The following STX8 variants were observed in gnomAD, a reference collection of about 807,000 sequenced individuals.
STX8 encodes syntaxin-8.
A neutral mutation model predicts 37.5 loss-of-function variants in STX8; 23 were observed. That is an observed-to-expected ratio of 0.61 (90% CI 0.44 to 0.87). The LOEUF (loss-of-function observed/expected upper bound fraction) is 0.87. STX8 is among the 40% of genes least tolerant of loss of function. STX8 has a pLI of 0.00. For synonymous variants in STX8, 115 were observed against 99.1 expected (o/e 1.16, Z -0.95); for missense variants, 313 against 284.7 (o/e 1.10, Z -0.71).
intron 7 of STX8, among the ~76,000 whole-genome samples, chr17:9,320,942 C>A (rs1210338389): frequency 1.3e-5 from 2 of 148,990 alleles, no homozygotes; most frequent in Non-Finnish European, 3.0e-5. Flanking sequence ...CCCAACGGGG[C>A]CTCCAAAAAA....
At chr17:9,555,410 A>C (rs1378451482) in intron 3 of STX8, 2 of 152,214 alleles carry the variant, frequency 1.3e-5, no homozygotes, top group Non-Finnish European at 2.9e-5. Flanking sequence ...TAGCACATAA[A>C]TAAGGTGACT....
chr17:9,398,468 G>C (rs1912486372), intron 6 of STX8, among the ~76,000 whole-genome samples: 1 of 152,100 alleles, frequency 6.6e-6, no homozygotes, highest in Non-Finnish European at 1.5e-5. Flanking sequence ...CAGCTCAGAG[G>C]AAACTAAGGA....
chr17:9,263,249 G>A (rs1907112164), intron 7 of STX8, among the ~76,000 whole-genome samples: 1 of 152,122 alleles, frequency 6.6e-6, no homozygotes. Context: ...GGCTGAGGAG[G>A]GTGGATTACC....
intron 7 of STX8, among the ~76,000 whole-genome samples, chr17:9,251,322 G>A (rs1906568014): frequency 6.6e-6 from 1 of 152,190 alleles, no homozygotes; most frequent in African/African-American, 2.4e-5. Context: ...ACCTGATGCT[G>A]ATGAAGTGGG....
intron 7 of STX8, among the ~76,000 whole-genome samples, chr17:9,353,793 A>C (rs997361894): frequency 6.6e-6 from 1 of 152,224 alleles, no homozygotes; most frequent in Admixed American, 6.5e-5. Flanking sequence ...ATTTTAAATT[A>C]ACAGATTTTT....
chr17:9,555,420 T>C (rs545082703), intron 3 of STX8: 1 of 152,332 alleles, frequency 6.6e-6, no homozygotes, highest in Non-Finnish European at 1.5e-5. Context: ...ATAAGGTGAC[T>C]AATAATGTTA....
At chr17:9,570,435 TATATC>T (rs1047399703) in intron 1 of STX8, among the ~76,000 whole-genome samples, 2 of 152,004 alleles carry the variant, frequency 1.3e-5, no homozygotes, top group Admixed American at 1.3e-4. Flanking sequence ...CACATTCACA[TATATC>T]ATATATATCA....
At chr17:9,346,156 CCT>C (rs1910529073) in intron 7 of STX8, among the ~76,000 whole-genome samples, 1 of 151,984 alleles carries the variant, frequency 6.6e-6, no homozygotes, top group African/African-American at 2.4e-5. Context: ...CCGGCCGGCC[CCT>C]GACTATTAAG....
At chr17:9,415,655 G>A (rs1051785620) in intron 6 of STX8, among the ~76,000 whole-genome samples, 1 of 152,124 alleles carries the variant, frequency 6.6e-6, no homozygotes, top group Non-Finnish European at 1.5e-5. Flanking sequence ...TGTAGTCCCA[G>A]CTACTCAGGA....
chr17:9,326,186 A>G lies in STX8; in HGVS notation c.643+52366T>C, dbSNP rs893479097. Among the ~76,000 whole-genome samples the G allele has an allele frequency of 5.3e-4, 80 of 151,526 alleles. 1 individual carries two copies. The highest frequency in any genetic ancestry group is 1.8e-3 in the African/African-American group (75 of 41,346). On this transcript the variant is annotated intron_variant, in intron 7 of 7. Coordinates refer to ENST00000306357, the MANE Select transcript of STX8 (RefSeq NM_004853.3). The stretch of plus-strand genomic sequence containing the variant: ...CACTCTGTCATCCAGGCTAGAGTGC[A>G]GTGGCACGATCATGGCTCATTGCAG...
intron 6 of STX8, among the ~76,000 whole-genome samples, chr17:9,419,422 C>T (rs1396764861): frequency 6.6e-6 from 1 of 152,034 alleles, no homozygotes; most frequent in Non-Finnish European, 1.5e-5. Flanking sequence ...TATAAGAGGC[C>T]AATTAAAATC....
chr17:9,330,231 T>C (rs1909916400), intron 7 of STX8, among the ~76,000 whole-genome samples: 2 of 152,340 alleles, frequency 1.3e-5, no homozygotes, highest in South Asian at 4.1e-4. Context: ...TAACCACTGC[T>C]CACAGCCTTC....
intron 7 of STX8, among the ~76,000 whole-genome samples, chr17:9,278,856 T>C (rs1179794461): frequency 2.6e-5 from 4 of 151,862 alleles, no homozygotes; most frequent in Admixed American, 6.6e-5. Context: ...CCAGAGCTGC[T>C]AAAGGGGCAC....
intron 4 of STX8, among the ~76,000 whole-genome samples, chr17:9,519,678 G>A (rs760976572): frequency 2.6e-5 from 4 of 151,820 alleles, no homozygotes; most frequent in Non-Finnish European, 4.4e-5. Context: ...ATCTCTCTAC[G>A]ACATCATCTC....
At position 9,489,128 on chromosome 17, in the gene STX8, C is replaced by T. The variant is rs181435766; in HGVS notation, c.541+2701G>A. ...CTGACCTCAAATGATCCATCCACCT[C>T]GGCCTCCCAAAGTGCTGGGATTACA... On this transcript the variant is annotated intron_variant, in intron 6 of 7. Coordinates refer to ENST00000306357, the MANE Select transcript of STX8 (RefSeq NM_004853.3). 1.6e-4 allele frequency among the ~76,000 whole-genome samples: 25 copies of T among 152,286 alleles called. No individual in the cohort carries two copies. The East Asian group carries it at 1.7e-3, about 11-fold the overall frequency.
chr17:9,502,310 G>A (rs182367022), intron 5 of STX8, among the ~76,000 whole-genome samples: 3 of 152,276 alleles, frequency 2.0e-5, no homozygotes, highest in South Asian at 2.1e-4. Context: ...GGGTTTGGGG[G>A]AGAGATGAGG....
intron 3 of STX8, among the ~76,000 whole-genome samples, chr17:9,545,874 G>A (rs1037775045): frequency 6.6e-6 from 1 of 152,148 alleles, no homozygotes; most frequent in African/African-American, 2.4e-5. Context: ...GAGTCACCAC[G>A]CCCAGCCCCA....
chr17:9,518,241 G>A lies in STX8; in HGVS notation c.324-13079C>T, dbSNP rs530183481. ...TGCAAGCCAACTTCTACCCCTGCAC[G>A]ACCAAAATCTTCTCACTCACAGCCT... On this transcript the variant is annotated intron_variant, in intron 4 of 7. Coordinates refer to ENST00000306357, the MANE Select transcript of STX8 (RefSeq NM_004853.3). 5.9e-5 allele frequency among the ~76,000 whole-genome samples: 9 copies of A among 152,046 alleles called. No individual in the cohort carries two copies. In the East Asian group the frequency reaches 1.4e-3, roughly 23 times the overall value.
At position 9,275,416 on chromosome 17, in the gene STX8, T is replaced by C. The variant is rs548823881; in HGVS notation, c.644-24771A>G. On this transcript the variant is annotated intron_variant, in intron 7 of 7. Coordinates refer to ENST00000306357, the MANE Select transcript of STX8 (RefSeq NM_004853.3). ...CCTTTAGTGCCTTCTCCCTGGTCAA[T>C]GGAGTTCCACTATTCCCACCCTTAC... 3.3e-5 allele frequency among the ~76,000 whole-genome samples: 5 copies of C among 152,330 alleles called. No individual in the cohort carries two copies. The East Asian group carries it at 9.6e-4, about 29-fold the overall frequency.
Sources: gnomAD v4.1 joint callset for allele counts (sites outside exome capture counted in the v4.1 genomes callset) on GRCh38, gnomAD v4.1.1 for gene constraint, MANE v1.5 for transcripts, NCBI Gene and HGNC (gene_info 2026-07-23, HGNC 2026-07-21) for gene names.